The following LCP2 variants were observed in gnomAD, a reference collection of about 807,000 sequenced individuals.
LCP2 encodes the protein lymphocyte cytosolic protein 2, also known as 76 kDa tyrosine phosphoprotein.
LCP2 carries 29 observed loss-of-function variants against 74.5 expected under a neutral mutation model. The ratio of observed to expected loss-of-function variants is 0.39; its 90% CI spans 0.29 to 0.53. The LOEUF (loss-of-function observed/expected upper bound fraction) is 0.53, where lower values mean the gene tolerates loss of function less well. LCP2 is among the 20% of genes least tolerant of loss of function. LCP2 has a pLI of 0.72. For synonymous variants in LCP2, 228 were observed against 229.5 expected (o/e 0.99, Z 0.06); for missense variants, 604 against 634.6 (o/e 0.95, Z 0.52).
rs315737 is a variant in LCP2, at chr5:170,274,471, C to T, written c.287-133G>A. The stretch of plus-strand genomic sequence containing the variant: ...CTGGCCTCCACCTACCTCCCACACC[C>T]CTGCAGGTTTAGCCACTTACTGTCA... On this transcript the variant is annotated intron_variant, in intron 5 of 20. Coordinates refer to ENST00000046794, the MANE Select transcript of LCP2 (RefSeq NM_005565.5). The T allele has an allele frequency of 0.036, 32,416 of 904,714 alleles. 6,929 individuals carry two copies. In the African/African-American group the frequency reaches 0.47, roughly 13 times the overall value. 56.0% of individuals were successfully genotyped at this position (904,714 alleles called of 1,614,324 possible).
Position 170,262,649 on chromosome 5 carries a change from C to G in LCP2, c.912G>C (p.Lys304Asn). The G allele has an allele frequency of 6.2e-7, 1 of 1,613,258 alleles. No individual in the cohort carries two copies. Among genetic ancestry groups the G allele is most frequent in the Non-Finnish European group, 8.5e-7 (1 of 1,179,392 alleles). Reference protein sequence around the residue: ...HERSSPLPGKKPPVPKHGWGP... With the variant: ...HERSSPLPGKNPPVPKHGWGP... ...CAGACAATTACTTTGGCACAGGTGG[C>G]TTCTTCCCTGGCAGGGGGCTGCTCC... The change falls in exon 13 of 21, where the codon AAG (lysine) becomes AAC (asparagine). Residue 304 changes from lysine (K) to asparagine (N), a missense_variant. Physicochemically the swap from Lys to Asn is moderately conservative, Grantham distance 94 (BLOSUM62 0). Transcript: ENST00000046794.
intron 20 of LCP2, 81 bp from the exon 21 acceptor site, chr5:170,248,900 A>G: frequency 7.4e-7 from 1 of 1,360,006 alleles, no homozygotes; most frequent in Non-Finnish European, 1.0e-6. Context: ...TATCTGCATA[A>G]TATATGCTGC....
In LCP2 at chr5:170,281,893, T is replaced by A. The variant is rs529293643; in HGVS notation, c.189-6033A>T. Among the ~76,000 whole-genome samples, 8 of 152,350 alleles carry A rather than the reference T, an allele frequency of 5.3e-5. 1 individual carries two copies. In the South Asian group the frequency reaches 1.7e-3, roughly 32 times the overall value. On this transcript the variant is annotated intron_variant, in intron 3 of 20. Coordinates refer to ENST00000046794, the MANE Select transcript of LCP2 (RefSeq NM_005565.5). ...CTCTCTTCTCCGTAAAGTTACACTG[T>A]GCATTTAAATATAAAACTTATAACA...
chr5:170,270,979 G>C, intron 6 of LCP2, 62 bp from the exon 7 acceptor site: 5 of 1,402,332 alleles, frequency 3.6e-6, no homozygotes, highest in Non-Finnish European at 3.9e-6. Context: ...CGATGTGCCT[G>C]TGCCTACTCT....
intron 7 of LCP2, 27 bp from the exon 8 acceptor site, chr5:170,268,509 G>T: frequency 4.2e-6 from 1 of 237,760 alleles, no homozygotes; most frequent in South Asian, 4.7e-5. Context: ...TTATTAAAGT[G>T]AAAGGGGAGT....
Position 170,255,453 on chromosome 5 carries a change from CT to C in LCP2, c.1150+1072del, listed in dbSNP as rs1480390037. 2.0e-5 allele frequency among the ~76,000 whole-genome samples: 3 copies of C among 152,194 alleles called. No homozygotes were observed. The East Asian group carries it at 5.8e-4, about 29-fold the overall frequency. On this transcript the variant is annotated intron_variant, in intron 17 of 20. Coordinates refer to ENST00000046794, the MANE Select transcript of LCP2 (RefSeq NM_005565.5). ...CATGACTGCAAAAAAAGTGGCTTTT[CT>C]GTTGTCATTCTTCACAGCATTTTTT...
In LCP2 at chr5:170,261,577, T is replaced by G. The variant is rs558681323; in HGVS notation, c.927-440A>C. Among the ~76,000 whole-genome samples the G allele has an allele frequency of 2.6e-5, 4 of 152,324 alleles. No individual in the cohort carries two copies. In the East Asian group the frequency reaches 7.7e-4, roughly 29 times the overall value. ...AGAAATGAAAACATTTTAGGTAATA[T>G]TCTCCCTTGCTCTTGCTTTAAAACA... On this transcript the variant is annotated intron_variant, in intron 13 of 20. Coordinates refer to ENST00000046794, the MANE Select transcript of LCP2 (RefSeq NM_005565.5).
intron 3 of LCP2, among the ~76,000 whole-genome samples, chr5:170,285,029 G>A (rs888236507): frequency 1.3e-5 from 2 of 152,130 alleles, no homozygotes; most frequent in Non-Finnish European, 2.9e-5. Flanking sequence ...GGGATTACAG[G>A]CGTGAGCCAC....
chr5:170,296,727 A>G (rs1382681549), intron 1 of LCP2, among the ~76,000 whole-genome samples: 4 of 152,200 alleles, frequency 2.6e-5, no homozygotes, highest in Admixed American at 1.3e-4. Flanking sequence ...ATGACCAAGC[A>G]CAGGGATCCT....
chr5:170,273,585 C>T (rs55855613), intron 6 of LCP2, among the ~76,000 whole-genome samples: 2 of 152,090 alleles, frequency 1.3e-5, no homozygotes, highest in East Asian at 1.9e-4. Context: ...GTTCTACGCA[C>T]GTCACGTTCT....
Position 170,250,681 on chromosome 5 carries a change from G to A in LCP2, c.1479+49C>T, listed in dbSNP as rs375055346. The A allele has an allele frequency of 2.1e-5, 31 of 1,467,356 alleles. No individual in the cohort carries two copies. In the African/African-American group the frequency reaches 4.2e-4, roughly 20 times the overall value. The allele number at this position is 1,467,356 out of a possible 1,614,324, so 90.9% of individuals were successfully genotyped here. ...AGATCGCTCCATGAAGGCATGCAGA[G>A]TGGCATAAATAAAGACTTTGGGAAA... On this transcript the variant is annotated intron_variant, in intron 20 of 20. Transcript: ENST00000046794.
intron 10 of LCP2, among the ~76,000 whole-genome samples, chr5:170,265,868 G>A (rs1426363320): frequency 6.6e-6 from 1 of 152,184 alleles, no homozygotes; most frequent in Non-Finnish European, 1.5e-5. Context: ...TCCTTCCTCA[G>A]ACTCATGTAG....
rs779315921 is a variant in LCP2, at chr5:170,256,522, A to G, written c.1150+4T>C. On this transcript the variant is annotated splice_donor_region_variant and intron_variant, in intron 17 of 20. Coordinates refer to ENST00000046794, the MANE Select transcript of LCP2 (RefSeq NM_005565.5). This position sits in a 1 kb window ranked among gnomAD's most constrained non-coding sequence, Gnocchi z 4.5. ...AGCACGTCACAAAAGCCCAGAGTAC[A>G]AACCTTGAGAGAAGTATGGTGGCAG... The G allele has an allele frequency of 6.2e-7, 1 of 1,612,252 alleles. No individual in the cohort carries two copies. The highest frequency in any genetic ancestry group is 1.7e-5 in the Admixed American group (1 of 60,030).
chr5:170,272,536 G>A (rs752986237), intron 6 of LCP2, among the ~76,000 whole-genome samples: 1 of 146,870 alleles, frequency 6.8e-6, no homozygotes, highest in Admixed American at 7.0e-5. Context: ...ATATAACTAG[G>A]AGCTTTCCAG....
intron 5 of LCP2, among the ~76,000 whole-genome samples, chr5:170,274,901 C>A (rs552108819): frequency 6.7e-6 from 1 of 149,862 alleles, no homozygotes; most frequent in Admixed American, 6.7e-5. Context: ...GGCGTGAACC[C>A]GGGAGGCAGA....
Position 170,270,767 on chromosome 5 carries a change from A to G in LCP2, c.475T>C (p.Ser159Pro), listed in dbSNP as rs888872731. ...GGGAAAGGCTTGGCAGGCAGGATGG[A>G]GTTCTGCAGAGCTTCCTCGTCATTG... is the stretch of plus-strand genomic sequence containing the variant. ...PSNDEEALQN[S>P]ILPAKPFPNS... is the part of the protein sequence containing the mutation. The change falls in exon 7 of 21, where the codon TCC becomes CCC. Residue 159 changes from serine to proline, a missense_variant. Coordinates refer to ENST00000046794, the MANE Select transcript of LCP2 (RefSeq NM_005565.5). 1 of 1,596,600 alleles carries G rather than the reference A, an allele frequency of 6.3e-7. No individual in the cohort carries two copies. The highest frequency in any genetic ancestry group is 8.5e-7 in the Non-Finnish European group (1 of 1,172,300).
chr5:170,291,321 A>G (rs554119565), intron 2 of LCP2, among the ~76,000 whole-genome samples: 1 of 152,292 alleles, frequency 6.6e-6, no homozygotes, highest in South Asian at 2.1e-4. Context: ...GGAAAGGGTG[A>G]TAGATTAGTA....
intron 19 of LCP2, chr5:170,251,797 A>C (rs1761450334): frequency 5.8e-6 from 2 of 346,066 alleles, no homozygotes; most frequent in African/African-American, 2.1e-5. Context: ...TCTCAAGGTG[A>C]GACCCAGGAA....
chr5:170,271,036 G>GGT, intron 6 of LCP2, 119 bp from the exon 7 acceptor site: 2 of 816,634 alleles, frequency 2.4e-6, no homozygotes, highest in Non-Finnish European at 3.7e-6. Context: ...CAGGCAGCCT[G>GGT]AAGATGGTTA....
Sources: gnomAD v4.1 joint callset for allele counts (sites outside exome capture counted in the v4.1 genomes callset) on GRCh38, gnomAD v4.1.1 for gene constraint, Gnocchi (gnomAD v3.1) non-coding constraint, MANE v1.5 for transcripts, NCBI Gene and HGNC (gene_info 2026-07-23, HGNC 2026-07-21) for gene names.